Variants in IPCEF1 observed in about 807,000 individuals in gnomAD.
The protein encoded by IPCEF1 is interactor protein for cytohesin exchange factors 1.
Under a neutral mutation model 50.9 loss-of-function variants are expected in IPCEF1, and 31 were observed. That is an observed-to-expected ratio of 0.61 (90% confidence interval 0.46 to 0.82). The LOEUF is 0.82. Ranked by LOEUF, IPCEF1 falls within the 40% of genes least tolerant of loss-of-function variation. IPCEF1 has a pLI of 0.00. For missense variants in IPCEF1, 458 were observed against 514.0 expected, an observed-to-expected ratio of 0.89 and a Z score of 1.05; for synonymous variants, 181 against 192.0, an observed-to-expected ratio of 0.94 and a Z score of 0.47.
intron 1 of IPCEF1, among the ~76,000 whole-genome samples, chr6:154,313,401 T>A (rs1374455604): frequency 4.6e-5 from 7 of 151,228 alleles, no homozygotes; most frequent in Non-Finnish European, 7.4e-5. Context: ...AGAAAAAAAA[T>A]TAATGTCACA....
chr6:154,200,333 T>G (rs553122610), intron 9 of IPCEF1, among the ~76,000 whole-genome samples: 6 of 152,320 alleles, frequency 3.9e-5, no homozygotes, highest in African/African-American at 1.4e-4. Context: ...AGGCCTCTTT[T>G]GGGAATGCTT....
rs76616097 is a variant in IPCEF1, at chr6:154,241,677, C to T, written c.246+4914G>A. Among the ~76,000 whole-genome samples the T allele has an allele frequency of 5.7e-3, 864 of 152,280 alleles. 18 individuals are homozygous for T. Among genetic ancestry groups the T allele is most frequent in the East Asian group, 0.026 (134 of 5,184 alleles). ...TCTAGTCCAGGAGCTCATGTCTGAA[C>T]GCCTGCATTTTCTCACCATCTCCTA... is the stretch of plus-strand genomic sequence containing the variant. On this transcript the variant is annotated intron_variant, in intron 5 of 11. Transcript: ENST00000367220.
At chr6:154,350,021 G>A (rs911512944) in intron 1 of IPCEF1, among the ~76,000 whole-genome samples, 4 of 152,120 alleles carry the variant, frequency 2.6e-5, no homozygotes, top group Non-Finnish European at 5.9e-5. Flanking sequence ...ATGTCACAGG[G>A]AAACTCAAGA....
At chr6:154,333,567 T>TA (rs1430206220) in intron 1 of IPCEF1, among the ~76,000 whole-genome samples, 7 of 151,574 alleles carry the variant, frequency 4.6e-5, no homozygotes, top group Admixed American at 6.6e-5. Context: ...TACATATATA[T>TA]ATACACACAC....
intron 3 of IPCEF1, among the ~76,000 whole-genome samples, chr6:154,262,156 G>A (rs979785122): frequency 7.2e-5 from 11 of 152,170 alleles, no homozygotes; most frequent in South Asian, 2.1e-4. Context: ...TAAAAATAAC[G>A]GAAAAATAGA....
chr6:154,173,863 A>G (rs938464598), intron 10 of IPCEF1, among the ~76,000 whole-genome samples: 2 of 152,220 alleles, frequency 1.3e-5, no homozygotes, highest in Admixed American at 6.5e-5. Flanking sequence ...CCCAAGACAC[A>G]TAACTGTGAG....
intron 5 of IPCEF1, among the ~76,000 whole-genome samples, chr6:154,230,567 G>C (rs1204558716): frequency 1.3e-5 from 2 of 152,162 alleles, no homozygotes; most frequent in Non-Finnish European, 2.9e-5. Context: ...GGGCTGACCA[G>C]GAGAAATGAG....
At chr6:154,256,182 T>A (rs1458223399) in intron 3 of IPCEF1, among the ~76,000 whole-genome samples, 1 of 152,170 alleles carries the variant, frequency 6.6e-6, no homozygotes, top group Non-Finnish European at 1.5e-5. Context: ...AGCTGGTGCC[T>A]GGTGAGGGCC....
intron 6 of IPCEF1, among the ~76,000 whole-genome samples, chr6:154,222,272 T>C (rs1778926426): frequency 6.6e-6 from 1 of 152,234 alleles, no homozygotes; most frequent in African/African-American, 2.4e-5. Flanking sequence ...AGGGTTTTTG[T>C]AAATAGCCAA....
intron 10 of IPCEF1, among the ~76,000 whole-genome samples, chr6:154,170,460 C>T (rs1013771232): frequency 2.8e-4 from 43 of 152,220 alleles, no homozygotes; most frequent in Non-Finnish European, 7.3e-5. Flanking sequence ...TTAGTTTCCC[C>T]TATCCATCCC....
At chr6:154,264,320 C>T (rs999427042) in intron 3 of IPCEF1, among the ~76,000 whole-genome samples, 21 of 151,962 alleles carry the variant, frequency 1.4e-4, no homozygotes, top group African/African-American at 4.8e-4. Context: ...GCCATCCTCC[C>T]AGTTGAGTTA....
chr6:154,249,746 G>A (rs564993873), intron 3 of IPCEF1, among the ~76,000 whole-genome samples: 1 of 151,990 alleles, frequency 6.6e-6, no homozygotes, highest in Non-Finnish European at 1.5e-5. Context: ...TGGGACTGGA[G>A]CCCTCCGGCT....
intron 9 of IPCEF1, 85 bp downstream of exon 9, chr6:154,212,685 G>T: frequency 1.1e-6 from 1 of 873,280 alleles, no homozygotes; most frequent in Non-Finnish European, 1.8e-6. Flanking sequence ...AAAATTTATT[G>T]GTCAAGCTAC....
At chr6:154,198,002 G>T (rs1209532865) in intron 10 of IPCEF1, among the ~76,000 whole-genome samples, 1 of 152,120 alleles carries the variant, frequency 6.6e-6, no homozygotes, top group Non-Finnish European at 1.5e-5. Flanking sequence ...AGTTCAAGAT[G>T]CTTAAATTCT....
chr6:154,351,827 T>G (rs1195306647), intron 1 of IPCEF1, among the ~76,000 whole-genome samples: 1 of 152,210 alleles, frequency 6.6e-6, no homozygotes, highest in Non-Finnish European at 1.5e-5. Flanking sequence ...ATCATGTCCT[T>G]TGCAGGGACA....
chr6:154,226,568 A>G (rs1779267952), intron 5 of IPCEF1, among the ~76,000 whole-genome samples: 1 of 151,736 alleles, frequency 6.6e-6, no homozygotes, highest in Non-Finnish European at 1.5e-5. Context: ...TCCACCCATT[A>G]CCTACTGCCT....
chr6:154,339,776 T>C, intron 1 of IPCEF1, among the ~76,000 whole-genome samples: 1 of 152,052 alleles, frequency 6.6e-6, no homozygotes, highest in African/African-American at 2.4e-5. Context: ...AAAATATTTT[T>C]GTAGAGATGG....
chr6:154,303,507 C>T (rs1373601476), intron 1 of IPCEF1, among the ~76,000 whole-genome samples: 2 of 152,260 alleles, frequency 1.3e-5, no homozygotes, highest in South Asian at 2.1e-4. Flanking sequence ...TAATACAGGA[C>T]GGGGAGAGAC....
intron 1 of IPCEF1, among the ~76,000 whole-genome samples, chr6:154,332,960 T>C (rs1783706748): frequency 6.6e-6 from 1 of 152,080 alleles, no homozygotes; most frequent in Non-Finnish European, 1.5e-5. Flanking sequence ...TCAGAGAGAA[T>C]CGAAAAACAA....
Sources: allele counts gnomAD v4.1 joint callset (sites outside exome capture counted in the v4.1 genomes callset), GRCh38; gene constraint gnomAD v4.1.1; transcripts MANE v1.5; gene names NCBI Gene and HGNC (gene_info 2026-07-23, HGNC 2026-07-21).